The following ASPRV1 variants were observed in gnomAD, a reference collection of about 807,000 sequenced individuals.
The protein encoded by ASPRV1 is aspartic peptidase retroviral like 1.
A neutral mutation model predicts 11.0 loss-of-function variants in ASPRV1; 7 were observed. The observed-to-expected ratio is 0.64, with a 90% CI of 0.36 to 1.20. The LOEUF (loss-of-function observed/expected upper bound fraction) is 1.20, where lower values mean the gene tolerates loss of function less well. Among genes scored for constraint, ASPRV1 ranks in the 50% most tolerant of loss-of-function variants. ASPRV1 has a pLI of 0.02. For synonymous variants in ASPRV1, 136 were observed against 138.4 expected (o/e 0.98, Z 0.12); for missense variants, 299 against 320.0 (o/e 0.93, Z 0.50).
the ASPRV1 span, chr2:70,055,946 G>T: frequency 6.6e-6 from 1 of 151,978 alleles, no homozygotes; most frequent in Non-Finnish European, 1.5e-5. Flanking sequence ...TTTTAAAAAG[G>T]CAACGTATTG....
the ASPRV1 span, among the ~76,000 whole-genome samples, chr2:69,947,615 G>A: frequency 6.6e-6 from 1 of 152,094 alleles, no homozygotes; most frequent in Non-Finnish European, 1.5e-5. Flanking sequence ...CCTTTGTAGA[G>A]AACAAGAGGA....
the ASPRV1 span, among the ~76,000 whole-genome samples, chr2:70,060,569 T>G: frequency 1.3e-5 from 2 of 152,118 alleles, no homozygotes; most frequent in Non-Finnish European, 2.9e-5. Flanking sequence ...TCCCAGCACT[T>G]TGGGAGGCCG....
chr2:69,970,434 T>C, the ASPRV1 span, among the ~76,000 whole-genome samples: 1 of 152,138 alleles, frequency 6.6e-6, no homozygotes, highest in Admixed American at 6.5e-5. Flanking sequence ...ATGCTCTACC[T>C]ATACAAAATG....
At chr2:70,035,923 TATGCTTTTACTGTATTACTTTC>T in the ASPRV1 span, among the ~76,000 whole-genome samples, 3 of 151,918 alleles carry the variant, frequency 2.0e-5, no homozygotes, top group African/African-American at 4.8e-5. Context: ...TCTAAGTCAA[TATGCTTTTACTGTATTACTTTC>T]ATGCTTTTAC....
chr2:69,957,693 C>T (rs1333545540), downstream of ASPRV1, among the ~76,000 whole-genome samples: 1 of 151,822 alleles, frequency 6.6e-6, no homozygotes. Context: ...GATGCTGATG[C>T]CGCCTTCCTG....
At chr2:70,062,854 T>G in the ASPRV1 span, among the ~76,000 whole-genome samples, 1 of 151,944 alleles carries the variant, frequency 6.6e-6, no homozygotes, top group Non-Finnish European at 1.5e-5. Flanking sequence ...AAGCAGAAAA[T>G]AGAAGGCAGG....
chr2:70,065,252 C>CA, the ASPRV1 span, among the ~76,000 whole-genome samples: 3 of 150,612 alleles, frequency 2.0e-5, no homozygotes, highest in Non-Finnish European at 4.4e-5. Context: ...ACTAAAAGTA[C>CA]AAAAAATTAG....
At chr2:69,997,808 T>C in the ASPRV1 span, 1 of 152,230 alleles carries the variant, frequency 6.6e-6, no homozygotes, top group South Asian at 2.1e-4. Context: ...GTGCCCCAGG[T>C]GATTCTGACA....
At chr2:70,078,405 G>T in the ASPRV1 span, among the ~76,000 whole-genome samples, 1 of 152,206 alleles carries the variant, frequency 6.6e-6, no homozygotes, top group Non-Finnish European at 1.5e-5. Context: ...ATGTCAAATA[G>T]CAAGTGCTAT....
chr2:69,993,183 G>A, the ASPRV1 span, among the ~76,000 whole-genome samples: 3,837 of 152,226 alleles, frequency 0.025, 148 homozygotes, highest in African/African-American at 0.085. Context: ...GCCACGTAGC[G>A]AAGAGGGCAG....
At chr2:70,069,450 T>C in the ASPRV1 span, 5 of 152,328 alleles carry the variant, frequency 3.3e-5, no homozygotes, top group East Asian at 1.9e-4. Flanking sequence ...TTTATATGTT[T>C]TTGATATTTA....
the ASPRV1 span, chr2:69,996,660 G>C: frequency 2.2e-6 from 1 of 452,802 alleles, no homozygotes. Flanking sequence ...TTCTGAGAGA[G>C]GCACTGGAAT....
chr2:70,017,307 T>C, the ASPRV1 span, among the ~76,000 whole-genome samples: 4 of 152,182 alleles, frequency 2.6e-5, no homozygotes, highest in African/African-American at 9.7e-5. Flanking sequence ...TCTCAATTGA[T>C]GGAGAAAGGT....
At chr2:70,061,957 C>CT in the ASPRV1 span, among the ~76,000 whole-genome samples, 1 of 146,084 alleles carries the variant, frequency 6.8e-6, no homozygotes, top group Non-Finnish European at 1.5e-5. Flanking sequence ...GAGCAAAACT[C>CT]TGTCTCAAAA....
At chr2:69,971,126 C>T in the ASPRV1 span, 1 of 151,940 alleles carries the variant, frequency 6.6e-6, no homozygotes, top group Non-Finnish European at 1.5e-5. Flanking sequence ...GAGATCATGT[C>T]ACTGGACTCC....
chr2:69,961,869 T>A (rs1303823643), upstream of ASPRV1: 3 of 589,278 alleles, frequency 5.1e-6, no homozygotes, highest in Non-Finnish European at 8.9e-6. Flanking sequence ...CCCTGGCCTG[T>A]GTTCCAGAAT....
the ASPRV1 span, among the ~76,000 whole-genome samples, chr2:70,066,325 A>G: frequency 2.7e-5 from 4 of 150,650 alleles, no homozygotes; most frequent in Admixed American, 1.3e-4. Context: ...TGCAACCTCC[A>G]CCTCCCAGGT....
the ASPRV1 span, among the ~76,000 whole-genome samples, chr2:70,029,844 G>C: frequency 0.015 from 2,268 of 152,166 alleles, 66 homozygotes; most frequent in African/African-American, 0.052. Flanking sequence ...ACAGGTCCTT[G>C]GGCCACAAAT....
the ASPRV1 span, among the ~76,000 whole-genome samples, chr2:70,025,208 G>A: frequency 6.6e-6 from 1 of 152,318 alleles, no homozygotes; most frequent in East Asian, 1.9e-4. Context: ...ATGTGTGTGT[G>A]TTGGGGATTA....
Sources: gnomAD v4.1 joint callset for allele counts (sites outside exome capture counted in the v4.1 genomes callset) on GRCh38, gnomAD v4.1.1 for gene constraint, MANE v1.5 for transcripts, NCBI Gene and HGNC (gene_info 2026-07-23, HGNC 2026-07-21) for gene names.